The following DSCAML1 variants were observed in gnomAD, a reference collection of about 807,000 sequenced individuals.
DSCAML1 encodes the protein cell adhesion molecule DSCAML1.
In DSCAML1, 38 loss-of-function variants were observed where a neutral mutation model predicts 200.5. That is an observed-to-expected ratio of 0.19 (90% confidence interval 0.15 to 0.25). The LOEUF (loss-of-function observed/expected upper bound fraction) is 0.25, where lower values mean the gene tolerates loss of function less well. Ranked by LOEUF, DSCAML1 falls within the 10% of genes least tolerant of loss-of-function variation. The probability of loss-of-function intolerance (pLI) is 1.00; values close to 1 mark genes in which losing one functional copy is unlikely to be tolerated. For missense variants in DSCAML1, 2,223 were observed against 2,858.8 expected (o/e 0.78, Z 5.07); for synonymous variants, 1,215 against 1,165.0 (o/e 1.04, Z -0.87).
intron 3 of DSCAML1, among the ~76,000 whole-genome samples, chr11:117,540,669 C>T (rs540559249): frequency 2.7e-5 from 4 of 149,366 alleles, no homozygotes; most frequent in Non-Finnish European, 5.9e-5. Context: ...GGGCGGGGAA[C>T]ATCACACACT....
chr11:117,444,208 G>A (rs555835179), intron 20 of DSCAML1, among the ~76,000 whole-genome samples, 169 bp from the exon 21 acceptor site: 2 of 152,180 alleles, frequency 1.3e-5, no homozygotes, highest in Non-Finnish European at 2.9e-5. Flanking sequence ...GACAGAGTGT[G>A]CCCTGGGTTT....
At chr11:117,558,208 G>T (rs756418167) in intron 3 of DSCAML1, among the ~76,000 whole-genome samples, 1 of 152,146 alleles carries the variant, frequency 6.6e-6, no homozygotes. Context: ...GGCAAACTGA[G>T]AAGCTGCTGC....
At chr11:117,610,046 C>T (rs905520544) in intron 3 of DSCAML1, among the ~76,000 whole-genome samples, 1 of 152,160 alleles carries the variant, frequency 6.6e-6, no homozygotes, top group Admixed American at 6.5e-5. Context: ...TCCCACCTCC[C>T]CTCAGACAAA....
chr11:117,484,945 G>A (rs892985502), intron 11 of DSCAML1, among the ~76,000 whole-genome samples: 17 of 146,912 alleles, frequency 1.2e-4, no homozygotes, highest in African/African-American at 3.8e-4. Context: ...GTGTGTGTAA[G>A]TGGGGCTGGG....
At chr11:117,779,945 T>C (rs2134051177) in intron 2 of DSCAML1, among the ~76,000 whole-genome samples, 1 of 152,146 alleles carries the variant, frequency 6.6e-6, no homozygotes, top group South Asian at 2.1e-4. Context: ...GCGGGTTTTC[T>C]ATAAGTCAAG....
chr11:117,540,539 G>C (rs4938405), intron 3 of DSCAML1, among the ~76,000 whole-genome samples: 12,117 of 151,968 alleles, frequency 0.08, 611 homozygotes, highest in East Asian at 0.11. Context: ...GATTAAGATG[G>C]TAAATTTTAT....
intron 3 of DSCAML1, among the ~76,000 whole-genome samples, chr11:117,682,883 A>G (rs906235975): frequency 2.6e-5 from 4 of 152,186 alleles, no homozygotes; most frequent in Non-Finnish European, 5.9e-5. Context: ...ACTGATGAGG[A>G]AACTGAGGCC....
intron 3 of DSCAML1, among the ~76,000 whole-genome samples, chr11:117,701,537 G>A (rs2053666985): frequency 6.6e-6 from 1 of 152,232 alleles, no homozygotes; most frequent in Non-Finnish European, 1.5e-5. Context: ...CTCTTTGGAG[G>A]AGGAAGAGCT....
At chr11:117,431,079 A>G in intron 31 of DSCAML1, 46 bp from the exon 32 acceptor site, 1 of 1,543,790 alleles carries the variant, frequency 6.5e-7, no homozygotes, top group Non-Finnish European at 8.8e-7. Context: ...AGGAGGGTAT[A>G]AGTGAGACTG....
chr11:117,497,022 C>T (rs1411361943), intron 11 of DSCAML1, among the ~76,000 whole-genome samples: 1 of 152,210 alleles, frequency 6.6e-6, no homozygotes, highest in Non-Finnish European at 1.5e-5. Context: ...TTATCTTCAT[C>T]TTTCCTATAG....
intron 3 of DSCAML1, among the ~76,000 whole-genome samples, chr11:117,625,220 C>T (rs546964283): frequency 1.9e-4 from 29 of 151,996 alleles, no homozygotes; most frequent in Non-Finnish European, 4.1e-4. Flanking sequence ...GCACAACCAC[C>T]GAGTAAAGGG....
intron 3 of DSCAML1, among the ~76,000 whole-genome samples, chr11:117,658,021 C>T (rs2052769411): frequency 6.6e-6 from 1 of 152,142 alleles, no homozygotes; most frequent in Admixed American, 6.5e-5. Context: ...CACTGGATGC[C>T]AGCTGGCACC....
intron 3 of DSCAML1, among the ~76,000 whole-genome samples, chr11:117,640,386 T>C (rs887895488): frequency 3.3e-5 from 5 of 152,162 alleles, no homozygotes; most frequent in Non-Finnish European, 7.4e-5. Flanking sequence ...CTAAGGAAGG[T>C]AGGAGTGGGG....
rs540655026 is a variant in DSCAML1 at position 117,531,810 on chromosome 11, C to A, written c.658+566G>T. Among the ~76,000 whole-genome samples the A allele has an allele frequency of 8.6e-5, 13 of 151,850 alleles. No homozygotes were observed. In the East Asian group the frequency reaches 2.1e-3, roughly 25 times the overall value. ...TTGAGGCAGGAGAATTGCTTGAACC[C>A]AGGGGGCGGAAGTTACAGTTAGCCA... On this transcript the variant is annotated intron_variant, in intron 4 of 32. Transcript: ENST00000651296.
intron 1 of DSCAML1, among the ~76,000 whole-genome samples, chr11:117,786,904 G>A (rs1017807190): frequency 9.2e-5 from 14 of 152,116 alleles, no homozygotes; most frequent in African/African-American, 2.7e-4. Context: ...GCAACCATTC[G>A]TAGGAGAGGT....
intron 7 of DSCAML1, among the ~76,000 whole-genome samples, chr11:117,517,386 C>T (rs2049793332): frequency 6.6e-6 from 1 of 152,052 alleles, no homozygotes; most frequent in Non-Finnish European, 1.5e-5. Context: ...AAAGGGAGTT[C>T]AGAGGCTACC....
At chr11:117,534,065 G>A (rs772333571) in intron 3 of DSCAML1, among the ~76,000 whole-genome samples, 5 of 152,340 alleles carry the variant, frequency 3.3e-5, no homozygotes, top group Non-Finnish European at 7.3e-5. Context: ...TGTCAGGCTG[G>A]CAGAGGGAAA....
chr11:117,653,795 G>A (rs1394038012), intron 3 of DSCAML1, among the ~76,000 whole-genome samples: 1 of 152,212 alleles, frequency 6.6e-6, no homozygotes, highest in Admixed American at 6.5e-5. Context: ...GCAAAAGGGA[G>A]AAACAACCAA....
chr11:117,586,181 G>T (rs2051137856), intron 3 of DSCAML1, among the ~76,000 whole-genome samples: 1 of 151,968 alleles, frequency 6.6e-6, no homozygotes, highest in Admixed American at 6.6e-5. Flanking sequence ...GCAGAGCTGG[G>T]ACTAGAATGC....
Sources: gnomAD v4.1 joint callset for allele counts (sites outside exome capture counted in the v4.1 genomes callset) on GRCh38, gnomAD v4.1.1 for gene constraint, MANE v1.5 for transcripts, NCBI Gene and HGNC (gene_info 2026-07-23, HGNC 2026-07-21) for gene names.